The following NMS variants were observed in gnomAD, a reference collection of about 807,000 sequenced individuals.
NMS encodes the protein neuromedin S, also known as neuromedin-S.
NMS carries 30 observed loss-of-function variants against 32.2 expected under a neutral mutation model. The observed-to-expected ratio is 0.93, with a 90% CI of 0.70 to 1.26. The LOEUF is 1.26. Among genes scored for constraint, NMS ranks in the 50% most tolerant of loss-of-function variants. NMS has a pLI of 0.00. For synonymous variants in NMS, 76 were observed against 58.5 expected (o/e 1.30, Z -1.37); for missense variants, 190 against 186.3 (o/e 1.02, Z -0.12).
chr2:100,479,852 A>G (rs1241580707), intron 6 of NMS, among the ~76,000 whole-genome samples: 5 of 152,062 alleles, frequency 3.3e-5, no homozygotes, highest in African/African-American at 1.2e-4. Context: ...TTATTTTTTA[A>G]TTTAGAAATT....
chr2:100,473,467 T>C, intron 2 of NMS, 22 bp from the exon 3 acceptor site: 2 of 1,466,108 alleles, frequency 1.4e-6, no homozygotes, highest in Non-Finnish European at 1.8e-6. Context: ...CTTTGATTTG[T>C]TTTCTTCATT....
intron 7 of NMS, 150 bp downstream of exon 7, chr2:100,480,681 G>A (rs1677201377): frequency 1.3e-6 from 1 of 742,828 alleles, no homozygotes; most frequent in Non-Finnish European, 2.2e-6. Flanking sequence ...TTTTGTGGCT[G>A]AGCAATTAAG....
At chr2:100,480,034 C>G (rs1339269651) in intron 6 of NMS, among the ~76,000 whole-genome samples, 1 of 152,180 alleles carries the variant, frequency 6.6e-6, no homozygotes, top group Non-Finnish European at 1.5e-5. Flanking sequence ...CCCAGGGCCC[C>G]TAGTACCTGG....
rs1677236596 is a variant in NMS, at chr2:100,482,401, G to A, written c.449+90G>A. The A allele has an allele frequency of 3.3e-6, 4 of 1,226,102 alleles. No homozygotes were observed. In the Admixed American group the frequency reaches 5.1e-5, roughly 16 times the overall value. The allele number at this position is 1,226,102 out of a possible 1,614,324, so 76.0% of individuals were successfully genotyped here. A position where few individuals can be genotyped will look rare whatever the true frequency, so the allele number is the denominator to read the frequency against. On this transcript the variant is annotated intron_variant, in intron 9 of 9. Transcript: ENST00000376865. ...TGGAGAGAGTGAGAGGCAGCCATGG[G>A]GAGGACCATTGTTCAAGAAATGAGG...
At position 100,477,228 on chromosome 2, in the gene NMS, ACAATTCTC is replaced by A; in HGVS notation, c.184-15_184-8del. ...GTAAAATTTCATCTAACTTACCCTC[ACAATTCTC>A]TTTCCAGGATAATCAAGACATATAC... On this transcript the variant is annotated splice_region_variant and splice_polypyrimidine_tract_variant and intron_variant, in intron 3 of 9. Transcript: ENST00000376865. The A allele has an allele frequency of 1.2e-6, 2 of 1,612,366 alleles. No individual in the cohort carries two copies. The highest frequency in any genetic ancestry group is 1.7e-6 in the Non-Finnish European group (2 of 1,178,420).
In NMS at chr2:100,470,551, G is replaced by A; in HGVS notation, c.63G>A (p.Gln21=). The part of the protein sequence containing the change: ...ILAIYCFCML[Q]IPSSGFPQPL... ...CCATCTACTGCTTCTGCATGCTACA[G>A]ATTCCCTCCTCAGGTAAGGGGAGCT... Residue 21 remains glutamine, a synonymous_variant, in exon 1 of 10, where the codon CAG becomes CAA. Coordinates refer to ENST00000376865, the MANE Select transcript of NMS (RefSeq NM_001011717.1). 6.2e-7 allele frequency: 1 copy of A among 1,613,596 alleles called. No individual in the cohort carries two copies. Among genetic ancestry groups the A allele is most frequent in the Non-Finnish European group, 8.5e-7 (1 of 1,179,562 alleles).
chr2:100,475,914 G>C (rs992549887), intron 3 of NMS, among the ~76,000 whole-genome samples: 2 of 150,770 alleles, frequency 1.3e-5, no homozygotes, highest in South Asian at 2.1e-4. Context: ...CAGGAGAATC[G>C]CTTGAACCTG....
chr2:100,482,207 G>C, intron 8 of NMS, 70 bp from the exon 9 acceptor site: 1 of 1,436,016 alleles, frequency 7.0e-7, no homozygotes. Context: ...ACAGAGAGAA[G>C]AGCGGAATCA....
At chr2:100,482,434 A>G (rs1464981975) in intron 9 of NMS, 123 bp downstream of exon 9, 2 of 918,532 alleles carry the variant, frequency 2.2e-6, no homozygotes, top group Non-Finnish European at 3.5e-6. Context: ...AGGACCCTTC[A>G]TAACCCCCAG....
intron 7 of NMS, among the ~76,000 whole-genome samples, chr2:100,480,871 C>A (rs1047459799): frequency 3.9e-5 from 6 of 152,156 alleles, no homozygotes; most frequent in Non-Finnish European, 7.4e-5. Context: ...AGAGCACAAA[C>A]CCCAAACACC....
chr2:100,471,349 A>G (rs1210810998), intron 1 of NMS, among the ~76,000 whole-genome samples: 1 of 152,192 alleles, frequency 6.6e-6, no homozygotes, highest in Non-Finnish European at 1.5e-5. Flanking sequence ...ATTTCAAACA[A>G]TATGTTTGTT....
At chr2:100,472,271 T>A (rs1677019049) in intron 1 of NMS, among the ~76,000 whole-genome samples, 1 of 152,056 alleles carries the variant, frequency 6.6e-6, no homozygotes, top group Non-Finnish European at 1.5e-5. Flanking sequence ...AGAAGAGGAG[T>A]TCATTGAAGT....
At chr2:100,471,662 T>C (rs541830158) in intron 1 of NMS, among the ~76,000 whole-genome samples, 17 of 152,242 alleles carry the variant, frequency 1.1e-4, no homozygotes, top group Non-Finnish European at 2.2e-4. Flanking sequence ...GGTAAGTCTT[T>C]ACGTTTTATT....
intron 1 of NMS, among the ~76,000 whole-genome samples, chr2:100,472,286 C>G (rs1207137098): frequency 2.6e-5 from 4 of 152,188 alleles, no homozygotes; most frequent in Non-Finnish European, 2.9e-5. Flanking sequence ...TGAAGTTAGA[C>G]AAAAGGTTGA....
chr2:100,473,330 GAT>G (rs944501287), intron 2 of NMS, among the ~76,000 whole-genome samples, 157 bp from the exon 3 acceptor site: 1 of 151,934 alleles, frequency 6.6e-6, no homozygotes, highest in Non-Finnish European at 1.5e-5. Flanking sequence ...GCTATTTTGA[GAT>G]ATCCCATAGA....
At chr2:100,476,791 TG>T (rs1677118528) in intron 3 of NMS, among the ~76,000 whole-genome samples, 1 of 152,182 alleles carries the variant, frequency 6.6e-6, no homozygotes. Context: ...AACGGAAAAT[TG>T]GACTTTCTGC....
rs866795452 is a variant in NMS at position 100,472,822 on chromosome 2, C to T, written c.104C>T (p.Ser35Leu). 1.1e-5 allele frequency: 17 copies of T among 1,610,924 alleles called. No individual in the cohort carries two copies. Among genetic ancestry groups the T allele is most frequent in the Admixed American group, 1.7e-5 (1 of 59,848 alleles). The change falls in exon 2 of 10, where the codon TCA (serine) becomes TTA (leucine). Residue 35 changes from serine to leucine, a missense_variant. Physicochemically the swap from Ser to Leu is moderately radical, Grantham distance 145. Transcript: ENST00000376865. ...TTTCCTCAACCTTTAGCTGATCCTT[C>T]AGATGGCTTGGATATTGTGCAGCTT... Reference protein sequence around the residue: ...SGFPQPLADPSDGLDIVQLEQ... With the variant: ...SGFPQPLADPLDGLDIVQLEQ...
chr2:100,474,156 C>A (rs1272403618), intron 3 of NMS, among the ~76,000 whole-genome samples: 1 of 152,180 alleles, frequency 6.6e-6, no homozygotes, highest in Admixed American at 6.5e-5. Flanking sequence ...CAGAGCAAGA[C>A]TCTATCTCAC....
chr2:100,481,240 A>G, intron 8 of NMS, 73 bp downstream of exon 8: 1 of 1,406,750 alleles, frequency 7.1e-7, no homozygotes, highest in Non-Finnish European at 1.0e-6. Flanking sequence ...GAGTGACTGC[A>G]AACAGCAGAG....
Sources: gnomAD v4.1 joint callset for allele counts (sites outside exome capture counted in the v4.1 genomes callset) on GRCh38, gnomAD v4.1.1 for gene constraint, MANE v1.5 for transcripts, NCBI Gene and HGNC (gene_info 2026-07-23, HGNC 2026-07-21) for gene names.